DYSF: variants seen among roughly 807,000 people sequenced by gnomAD.
DYSF encodes dysferlin, also known as dystrophy-associated fer-1-like 1.
Under a neutral mutation model 274.9 loss-of-function variants are expected in DYSF, and 212 were observed. The observed-to-expected ratio is 0.77, with a 90% confidence interval of 0.69 to 0.86. The LOEUF is 0.86. DYSF is among the 40% of genes least tolerant of loss of function. DYSF has a pLI of 0.00. For missense variants in DYSF, 2,666 were observed against 2,783.2 expected, an observed-to-expected ratio of 0.96 and a Z score of 0.95; for synonymous variants, 1,091 against 1,078.7, an observed-to-expected ratio of 1.01 and a Z score of -0.22.
chr2:71,470,500 G>C lies in DYSF; in HGVS notation c.91+3567G>C, dbSNP rs1048904896. On this transcript the variant is annotated intron_variant, in intron 1 of 55. Coordinates refer to ENST00000410020, the MANE Select transcript of DYSF (RefSeq NM_001130987.2). ...ATCCTGGCTAACATGGTGAAACCCT[G>C]TCTCTACTAAAAATACAAAAAAAAT... Among the ~76,000 whole-genome samples, 10 of 151,718 alleles carry C rather than the reference G, an allele frequency of 6.6e-5. 1 individual carries two copies. Among genetic ancestry groups the C allele is most frequent in the Admixed American group, 5.2e-4 (8 of 15,244 alleles).
Position 71,553,801 on chromosome 2 carries a change from T to G in DYSF, c.1985-6T>G. On this transcript the variant is annotated splice_polypyrimidine_tract_variant and splice_region_variant and intron_variant, in intron 20 of 55. Transcript: ENST00000410020. Reference sequence around the variant, plus strand: ...CACAGCGCTCAGGCCCGTCTCTCCATTCCAGGGTGCCACTACTACTACCTA... The same window carrying G: ...CACAGCGCTCAGGCCCGTCTCTCCAGTCCAGGGTGCCACTACTACTACCTA... 7.4e-7 allele frequency: 1 copy of G among 1,343,754 alleles called. No individual in the cohort carries two copies. The highest frequency in any genetic ancestry group is 1.2e-5 in the South Asian group (1 of 86,758). 83.2% of individuals were successfully genotyped at this position (1,343,754 alleles called of 1,614,324 possible). A position where few individuals can be genotyped will look rare whatever the true frequency, so the allele number is the denominator to read the frequency against.
chr2:71,635,246 G>C (rs151239751), intron 41 of DYSF, among the ~76,000 whole-genome samples: 2 of 152,310 alleles, frequency 1.3e-5, no homozygotes, highest in Non-Finnish European at 2.9e-5. Context: ...TTTCGCCTAT[G>C]ATGGGGAAAA....
rs11901881 is a variant in DYSF, at chr2:71,529,080, C to T, written c.1380+679C>T. Among the ~76,000 whole-genome samples, 739 of 152,318 alleles carry T rather than the reference C, an allele frequency of 4.9e-3. 3 individuals carry two copies. Among genetic ancestry groups the T allele is most frequent in the African/African-American group, 0.017 (687 of 41,558 alleles). The stretch of plus-strand genomic sequence containing the variant: ...GCCTCTCTGTGCCTCTAAACAGTTC[C>T]GCCTGCTGCCCCTCTGAGCCCTGGA... On this transcript the variant is annotated intron_variant, in intron 14 of 55. Transcript: ENST00000410020.
At chr2:71,584,230 C>A (rs1246374919) in intron 30 of DYSF, among the ~76,000 whole-genome samples, 1 of 151,994 alleles carries the variant, frequency 6.6e-6, no homozygotes, top group African/African-American at 2.4e-5. Flanking sequence ...AGGGCATCAG[C>A]CTCTCCTGCA....
chr2:71,559,524 C>G (rs766240793), intron 22 of DYSF, among the ~76,000 whole-genome samples: 1 of 152,178 alleles, frequency 6.6e-6, no homozygotes, highest in African/African-American at 2.4e-5. Flanking sequence ...GGTGGACAGG[C>G]CTTTCTGTCC....
chr2:71,636,234 A>G (rs1384710424), intron 41 of DYSF, among the ~76,000 whole-genome samples: 1 of 152,146 alleles, frequency 6.6e-6, no homozygotes, highest in Non-Finnish European at 1.5e-5. Flanking sequence ...CACTGGAGGG[A>G]TTTGCACAGA....
At chr2:71,505,416 T>C (rs2152719628) in intron 4 of DYSF, among the ~76,000 whole-genome samples, 2 of 152,322 alleles carry the variant, frequency 1.3e-5, no homozygotes, top group East Asian at 3.9e-4. Context: ...CAGTTGCCTC[T>C]AAGGGCCAAA....
chr2:71,564,948 C>T (rs545546511), intron 24 of DYSF, among the ~76,000 whole-genome samples: 9 of 152,286 alleles, frequency 5.9e-5, no homozygotes, highest in Admixed American at 3.3e-4. Context: ...TGTGGCCTGG[C>T]GTGCAGGACA....
chr2:71,660,744 G>C, intron 45 of DYSF, 93 bp downstream of exon 45: 2 of 1,093,022 alleles, frequency 1.8e-6, no homozygotes, highest in Non-Finnish European at 2.8e-6. Context: ...TGTGAAGTCC[G>C]TATCTCTTGG....
chr2:71,574,433 C>A, intron 30 of DYSF, 62 bp downstream of exon 30: 2 of 1,579,842 alleles, frequency 1.3e-6, no homozygotes, highest in South Asian at 2.3e-5. Flanking sequence ...CAGGGCTGTT[C>A]GGGCTGATGT....
At chr2:71,570,131 A>G (rs1359707489) in intron 27 of DYSF, 98 bp from the exon 28 acceptor site, 2 of 1,197,898 alleles carry the variant, frequency 1.7e-6, no homozygotes, top group Non-Finnish European at 2.5e-6. Context: ...TCTGTCTGGG[A>G]CTTGGAGGAC....
At chr2:71,512,313 A>G (rs896725018) in intron 5 of DYSF, among the ~76,000 whole-genome samples, 4 of 152,148 alleles carry the variant, frequency 2.6e-5, no homozygotes, top group Non-Finnish European at 5.9e-5. Flanking sequence ...ATGTTTCCCT[A>G]CCTCAGCACC....
chr2:71,474,780 T>C (rs1342212231), intron 1 of DYSF, among the ~76,000 whole-genome samples: 1 of 152,178 alleles, frequency 6.6e-6, no homozygotes, highest in Non-Finnish European at 1.5e-5. Flanking sequence ...TGGAAAATGA[T>C]TAAAAGATAT....
At chr2:71,641,174 A>G (rs2094478774) in intron 41 of DYSF, among the ~76,000 whole-genome samples, 2 of 118,904 alleles carry the variant, frequency 1.7e-5, no homozygotes, top group South Asian at 2.6e-4. Flanking sequence ...ATAAATGTTT[A>G]TCTATTTTTT....
At chr2:71,684,311 C>T (rs1006479465) in intron 55 of DYSF, among the ~76,000 whole-genome samples, 1 of 152,176 alleles carries the variant, frequency 6.6e-6, no homozygotes, top group African/African-American at 2.4e-5. Context: ...GACCTGAGAT[C>T]CGGGGTCAGG....
chr2:71,665,584 T>C (rs1472769403), intron 47 of DYSF, among the ~76,000 whole-genome samples: 2 of 152,166 alleles, frequency 1.3e-5, no homozygotes, highest in Non-Finnish European at 2.9e-5. Context: ...AGATCAGAGG[T>C]GAGTCTGAAG....
intron 41 of DYSF, among the ~76,000 whole-genome samples, chr2:71,627,187 G>C (rs753027352): frequency 6.7e-6 from 1 of 149,256 alleles, no homozygotes; most frequent in Non-Finnish European, 1.5e-5. Context: ...CCATTTTGGG[G>C]GAGTTTATTA....
Position 71,537,854 on chromosome 2 carries a change from C to T in DYSF, c.1494-1303C>T, listed in dbSNP as rs74602429. Among the ~76,000 whole-genome samples, 9 of 152,202 alleles carry T rather than the reference C, an allele frequency of 5.9e-5. No individual in the cohort carries two copies. The East Asian group carries it at 1.7e-3, about 29-fold the overall frequency. On this transcript the variant is annotated intron_variant, in intron 16 of 55. Transcript: ENST00000410020. ...ACTCACAACAGGGAGAGGGGGTCTACGGGGCACCAAGAAGAAGGGGAAATT... is the reference window on the plus strand; with the variant it reads ...ACTCACAACAGGGAGAGGGGGTCTATGGGGCACCAAGAAGAAGGGGAAATT...
In DYSF at chr2:71,570,215, G is replaced by A. The variant is rs374508907; in HGVS notation, c.2980-14G>A. On this transcript the variant is annotated splice_polypyrimidine_tract_variant and intron_variant, in intron 27 of 55. Transcript: ENST00000410020. Reference sequence around the variant, plus strand: ...GTCTCCTCTCATTGCTTGCCTGTTCGGTTTTGTCCTTAGAACGGGGAGAAG... The same window carrying A: ...GTCTCCTCTCATTGCTTGCCTGTTCAGTTTTGTCCTTAGAACGGGGAGAAG... 12 of 1,611,722 alleles carry A rather than the reference G, an allele frequency of 7.4e-6. No homozygotes were observed. The highest frequency in any genetic ancestry group is 2.2e-5 in the East Asian group (1 of 44,882).
Sources: allele counts gnomAD v4.1 joint callset (sites outside exome capture counted in the v4.1 genomes callset), GRCh38; gene constraint gnomAD v4.1.1; transcripts MANE v1.5; gene names NCBI Gene and HGNC (gene_info 2026-07-23, HGNC 2026-07-21).